The following PTPRT variants were observed in gnomAD, a reference collection of about 807,000 sequenced individuals.
PTPRT encodes the protein protein tyrosine phosphatase receptor type T.
In PTPRT, 56 loss-of-function variants were observed where a neutral mutation model predicts 176.8. The observed-to-expected ratio is 0.32, with a 90% CI of 0.26 to 0.40. The LOEUF is 0.40. PTPRT is among the 10% of genes least tolerant of loss of function. The pLI is 1.00. For synonymous variants in PTPRT, 783 were observed against 739.0 expected (o/e 1.06, Z -0.96); for missense variants, 1,540 against 1,908.2 (o/e 0.81, Z 3.60).
chr20:42,986,506 G>C, intron 1 of PTPRT, among the ~76,000 whole-genome samples: 1 of 152,204 alleles, frequency 6.6e-6, no homozygotes. Context: ...ATTCCCCTTA[G>C]TACAGCTCGA....
intron 15 of PTPRT, among the ~76,000 whole-genome samples, chr20:42,212,499 T>G (rs935081183): frequency 4.6e-5 from 7 of 151,822 alleles, no homozygotes; most frequent in Admixed American, 2.6e-4. Flanking sequence ...TGCACTGTTT[T>G]CCCTCGTATC....
intron 27 of PTPRT, among the ~76,000 whole-genome samples, chr20:42,087,868 A>C (rs1984151789): frequency 1.3e-5 from 1 of 78,336 alleles, no homozygotes. Flanking sequence ...GCAAGACTCC[A>C]TTTCAAAAAA....
chr20:43,058,144 C>A (rs1987316295), intron 1 of PTPRT, among the ~76,000 whole-genome samples: 1 of 152,090 alleles, frequency 6.6e-6, no homozygotes, highest in Non-Finnish European at 1.5e-5. Flanking sequence ...GCCCAGTGAC[C>A]TTTTCTTAGT....
intron 9 of PTPRT, among the ~76,000 whole-genome samples, chr20:42,398,030 G>A (rs759881109): frequency 6.6e-6 from 1 of 152,124 alleles, no homozygotes; most frequent in African/African-American, 2.4e-5. Flanking sequence ...ACTGAGGCTT[G>A]AAAAATGTAG....
intron 1 of PTPRT, among the ~76,000 whole-genome samples, chr20:43,005,557 CAG>C (rs1394110503): frequency 6.6e-6 from 1 of 152,154 alleles, no homozygotes; most frequent in East Asian, 1.9e-4. Flanking sequence ...CTGGGGGAAA[CAG>C]AGGAGAGAAT....
intron 1 of PTPRT, among the ~76,000 whole-genome samples, chr20:42,916,092 C>T (rs893108182): frequency 6.6e-6 from 1 of 151,826 alleles, no homozygotes; most frequent in Non-Finnish European, 1.5e-5. Context: ...TTAGGTATAT[C>T]TTTTAATGCT....
chr20:43,017,631 C>T lies in PTPRT; in HGVS notation c.89-131699G>A, dbSNP rs1210868750. Among the ~76,000 whole-genome samples the T allele has an allele frequency of 2.0e-5, 3 of 152,312 alleles. No homozygotes were observed. The South Asian group carries it at 6.2e-4, about 32-fold the overall frequency. ...CGTCAAGCCTGAGCACTGCCAAGAG[C>T]ACAAGGAAGGACAGACGAGCTTCCT... On this transcript the variant is annotated intron_variant, in intron 1 of 30. Transcript: ENST00000373187.
At chr20:42,620,104 T>G (rs1405630691) in intron 7 of PTPRT, among the ~76,000 whole-genome samples, 1 of 147,110 alleles carries the variant, frequency 6.8e-6, no homozygotes, top group African/African-American at 2.6e-5. Flanking sequence ...GATGGTGATG[T>G]ACAGATGGGT....
intron 1 of PTPRT, among the ~76,000 whole-genome samples, chr20:42,982,951 T>C (rs1568716121): frequency 6.6e-6 from 1 of 152,240 alleles, no homozygotes; most frequent in Non-Finnish European, 1.5e-5. Flanking sequence ...TTACGGGCAT[T>C]AGACGATCTT....
At chr20:42,204,474 C>A (rs997765342) in intron 15 of PTPRT, among the ~76,000 whole-genome samples, 1 of 152,066 alleles carries the variant, frequency 6.6e-6, no homozygotes, top group Non-Finnish European at 1.5e-5. Context: ...GCAGGGGGTA[C>A]CAAAAGCTGA....
intron 6 of PTPRT, among the ~76,000 whole-genome samples, chr20:42,716,582 AC>A (rs2076226782): frequency 6.6e-6 from 1 of 151,786 alleles, no homozygotes; most frequent in Non-Finnish European, 1.5e-5. Context: ...TCCTTCACCC[AC>A]TTTTTGATGG....
intron 13 of PTPRT, among the ~76,000 whole-genome samples, chr20:42,252,925 A>G (rs1261250808): frequency 6.6e-6 from 1 of 152,140 alleles, no homozygotes; most frequent in East Asian, 1.9e-4. Context: ...TAGACATCAG[A>G]TACAGGAACG....
At chr20:42,350,214 GTTTTTTTTTTTTTT>G (rs764181357) in intron 11 of PTPRT, among the ~76,000 whole-genome samples, 1 of 58,290 alleles carries the variant, frequency 1.7e-5, no homozygotes, top group African/African-American at 7.0e-5. Flanking sequence ...GATGTTTCTT[GTTTTTTTTTTTTTT>G]TTTTTTTTTT....
intron 1 of PTPRT, among the ~76,000 whole-genome samples, chr20:43,119,165 A>C (rs1052502757): frequency 1.3e-5 from 2 of 152,242 alleles, no homozygotes; most frequent in Non-Finnish European, 2.9e-5. Flanking sequence ...ACTAGAAAAC[A>C]ACACAGTGGC....
chr20:42,183,659 G>A (rs1451646718), intron 16 of PTPRT, among the ~76,000 whole-genome samples: 1 of 152,116 alleles, frequency 6.6e-6, no homozygotes, highest in African/African-American at 2.4e-5. Flanking sequence ...TTAGAATAAT[G>A]TCATAGCTTG....
At chr20:42,860,646 TC>T (rs1160447242) in intron 2 of PTPRT, among the ~76,000 whole-genome samples, 1 of 152,318 alleles carries the variant, frequency 6.6e-6, no homozygotes, top group African/African-American at 2.4e-5. Flanking sequence ...ACAGAATGAA[TC>T]CTTTTATATT....
At chr20:43,159,774 A>G (rs1189302447) in intron 1 of PTPRT, among the ~76,000 whole-genome samples, 1 of 152,126 alleles carries the variant, frequency 6.6e-6, no homozygotes, top group African/African-American at 2.4e-5. Flanking sequence ...AGGTGCTTTG[A>G]TAGTGAGGAC....
the PTPRT span, among the ~76,000 whole-genome samples, chr20:42,050,052 T>G: frequency 2.0e-5 from 3 of 152,196 alleles, no homozygotes; most frequent in Non-Finnish European, 4.4e-5. Flanking sequence ...CTTCCACAAA[T>G]ATTTCGGAGA....
At position 42,095,652 on chromosome 20, in the gene PTPRT, G is replaced by A. The variant is rs1004194987; in HGVS notation, c.3846+2769C>T. On this transcript the variant is annotated intron_variant, in intron 27 of 30. Transcript: ENST00000373187. ...CTTGTTTGCCTTTTTCCAAACACTC[G>A]TGTCAGCCTTCTAACTTATAATTGA... Among the ~76,000 whole-genome samples, 6 of 152,256 alleles carry A rather than the reference G, an allele frequency of 3.9e-5. No individual in the cohort carries two copies. In the East Asian group the frequency reaches 9.7e-4, roughly 24 times the overall value.
Sources: allele counts gnomAD v4.1 joint callset (sites outside exome capture counted in the v4.1 genomes callset), GRCh38; gene constraint gnomAD v4.1.1; transcripts MANE v1.5; gene names NCBI Gene and HGNC (gene_info 2026-07-23, HGNC 2026-07-21).